Variants in MGAT4C observed in about 807,000 individuals in gnomAD.
MGAT4C encodes MGAT4 family member C, also known as alpha-1,3-mannosyl-glycoprotein 4-beta-N-acetylglucosaminyltransferase C.
Under a neutral mutation model 40.1 loss-of-function variants are expected in MGAT4C, and 19 were observed. The ratio of observed to expected loss-of-function variants is 0.47; its 90% CI spans 0.33 to 0.70. MGAT4C has a LOEUF of 0.70. Among genes scored for constraint, MGAT4C ranks in the 30% least tolerant of loss-of-function variants. The pLI, the probability that MGAT4C is intolerant of heterozygous loss-of-function variation, is 0.02. For synonymous variants in MGAT4C, 181 were observed against 187.1 expected (o/e 0.97, Z 0.27); for missense variants, 491 against 563.2 (o/e 0.87, Z 1.30).
At chr12:86,741,637 G>A (rs1325051315) in intron 1 of MGAT4C, among the ~76,000 whole-genome samples, 1 of 151,342 alleles carries the variant, frequency 6.6e-6, no homozygotes, top group African/African-American at 2.4e-5. Context: ...TGACTACGCA[G>A]AATCAGTCTC....
rs544048910 is a variant in MGAT4C at position 86,012,603 on chromosome 12, T to A, written c.-6-23051A>T. Among the ~76,000 whole-genome samples the A allele has an allele frequency of 2.6e-5, 4 of 151,424 alleles. No individual in the cohort carries two copies. In the East Asian group the frequency reaches 7.8e-4, roughly 30 times the overall value. On this transcript the variant is annotated intron_variant, in intron 2 of 4. Coordinates refer to ENST00000611864, the MANE Select transcript of MGAT4C (RefSeq NM_001351288.2). Reference sequence around the variant, plus strand: ...TAAAAATACAAAAAAGAAAAAAAAATTAGCCAGGAGTGGTGGTGGGCGCCT... The same window carrying A: ...TAAAAATACAAAAAAGAAAAAAAAAATAGCCAGGAGTGGTGGTGGGCGCCT...
intron 2 of MGAT4C, among the ~76,000 whole-genome samples, chr12:86,683,086 G>A (rs1319688689): frequency 6.6e-6 from 1 of 152,064 alleles, no homozygotes; most frequent in Non-Finnish European, 1.5e-5. Flanking sequence ...CCTGACTCTG[G>A]CACTGCTAGC....
chr12:86,360,125 A>G (rs1173508305), intron 3 of MGAT4C, among the ~76,000 whole-genome samples: 3 of 152,204 alleles, frequency 2.0e-5, no homozygotes, highest in Admixed American at 1.3e-4. Context: ...CACATCAAAA[A>G]GCTTATCCAC....
chr12:86,791,872 A>G (rs964091892), intron 1 of MGAT4C, among the ~76,000 whole-genome samples: 4 of 152,192 alleles, frequency 2.6e-5, no homozygotes, highest in African/African-American at 9.7e-5. Flanking sequence ...ACCCAACTTC[A>G]TGGCTGGGGA....
intron 1 of MGAT4C, among the ~76,000 whole-genome samples, chr12:86,837,017 C>T (rs764161959): frequency 6.6e-6 from 1 of 152,000 alleles, no homozygotes; most frequent in South Asian, 2.1e-4. Context: ...CATAAGCCAT[C>T]GAATTGTAAA....
chr12:86,596,603 A>G (rs891198841), intron 2 of MGAT4C, among the ~76,000 whole-genome samples: 4 of 152,164 alleles, frequency 2.6e-5, no homozygotes, highest in Admixed American at 1.3e-4. Context: ...TTTTTAAGGA[A>G]TAATGAATGC....
At chr12:86,641,972 T>C (rs1963403734) in intron 2 of MGAT4C, among the ~76,000 whole-genome samples, 1 of 151,862 alleles carries the variant, frequency 6.6e-6, no homozygotes, top group African/African-American at 2.4e-5. Context: ...TGTATTCATT[T>C]AGTAAAATAT....
chr12:86,239,930 G>C (rs1290515812), intron 1 of MGAT4C, among the ~76,000 whole-genome samples: 2 of 150,194 alleles, frequency 1.3e-5, no homozygotes, highest in East Asian at 3.9e-4. Flanking sequence ...AATGCTAGAT[G>C]ACACGTTAGT....
intron 1 of MGAT4C, among the ~76,000 whole-genome samples, chr12:86,083,364 T>C (rs1237097048): frequency 1.3e-5 from 2 of 152,072 alleles, no homozygotes; most frequent in Non-Finnish European, 2.9e-5. Flanking sequence ...TATAAAATGA[T>C]CATGCCACTA....
At position 86,805,255 on chromosome 12, in the gene MGAT4C, C is replaced by T. The variant is rs568395586; in HGVS notation, c.-262+33411G>A. Among the ~76,000 whole-genome samples, 149 of 151,734 alleles carry T rather than the reference C, an allele frequency of 9.8e-4. 1 individual carries two copies. Among genetic ancestry groups the T allele is most frequent in the African/African-American group, 3.5e-3 (144 of 41,386 alleles). On this transcript the variant is annotated intron_variant, in intron 1 of 7. Coordinates refer to the MGAT4C transcript ENST00000548651. ...ATTTTAGATTCAGCAGTTATGTGTG[C>T]AGATTTGTTACCTGGGTATAGTGTG...
chr12:86,166,916 A>C (rs1272152975), intron 1 of MGAT4C, among the ~76,000 whole-genome samples: 1 of 152,218 alleles, frequency 6.6e-6, no homozygotes, highest in East Asian at 1.9e-4. Flanking sequence ...TTGAAATATT[A>C]AACTTATATT....
At chr12:86,189,708 C>G (rs1439495686) in intron 1 of MGAT4C, among the ~76,000 whole-genome samples, 1 of 151,964 alleles carries the variant, frequency 6.6e-6, no homozygotes, top group Non-Finnish European at 1.5e-5. Flanking sequence ...TTTTAAATGA[C>G]AAATCCAATT....
chr12:86,267,344 C>T (rs1952814500), intron 4 of MGAT4C, among the ~76,000 whole-genome samples: 1 of 152,036 alleles, frequency 6.6e-6, no homozygotes, highest in Non-Finnish European at 1.5e-5. Context: ...AAGCAACACT[C>T]AAAGGTATCT....
At chr12:86,646,953 G>T (rs2136529384) in intron 2 of MGAT4C, among the ~76,000 whole-genome samples, 1 of 152,058 alleles carries the variant, frequency 6.6e-6, no homozygotes, top group East Asian at 1.9e-4. Flanking sequence ...AGTGACATTA[G>T]CCAAGGTGAC....
chr12:86,169,719 T>C (rs1886601388), intron 1 of MGAT4C, among the ~76,000 whole-genome samples: 1 of 152,072 alleles, frequency 6.6e-6, no homozygotes, highest in South Asian at 2.1e-4. Context: ...AGAGATAAAA[T>C]ACACATCAAT....
chr12:86,155,653 A>T (rs1458245080), intron 1 of MGAT4C, among the ~76,000 whole-genome samples: 2 of 152,312 alleles, frequency 1.3e-5, no homozygotes, highest in East Asian at 3.9e-4. Context: ...ACAACAGATG[A>T]CACTGCTAGA....
intron 3 of MGAT4C, among the ~76,000 whole-genome samples, chr12:86,343,279 T>C (rs1449817050): frequency 6.6e-6 from 1 of 152,178 alleles, no homozygotes. Context: ...TTACATGTTA[T>C]TGAAAACACC....
intron 2 of MGAT4C, among the ~76,000 whole-genome samples, chr12:86,027,929 A>G (rs1279471951): frequency 6.6e-6 from 1 of 151,966 alleles, no homozygotes; most frequent in East Asian, 1.9e-4. Flanking sequence ...TATCATCAGT[A>G]TAAAATATTA....
At chr12:86,186,442 T>C (rs532591030) in intron 1 of MGAT4C, among the ~76,000 whole-genome samples, 2 of 152,262 alleles carry the variant, frequency 1.3e-5, no homozygotes, top group East Asian at 3.9e-4. Context: ...CAGAAACCTA[T>C]GGGCTAAACA....
Sources: gnomAD v4.1 joint callset for allele counts (sites outside exome capture counted in the v4.1 genomes callset) on GRCh38, gnomAD v4.1.1 for gene constraint, MANE v1.5 for transcripts, NCBI Gene and HGNC (gene_info 2026-07-23, HGNC 2026-07-21) for gene names.